The following ABHD6 variants were observed in gnomAD, a reference collection of about 807,000 sequenced individuals.
The protein encoded by ABHD6 is abhydrolase domain containing 6, acylglycerol lipase, also known as monoacylglycerol lipase ABHD6.
In ABHD6, 33 loss-of-function variants were observed where a neutral mutation model predicts 38.8. The observed-to-expected ratio is 0.85, with a 90% CI of 0.64 to 1.14. The LOEUF is 1.14. Among genes scored for constraint, ABHD6 ranks in the 50% most tolerant of loss-of-function variants. The pLI is 0.00. For synonymous variants in ABHD6, 147 were observed against 161.6 expected, an observed-to-expected ratio of 0.91 and a Z score of 0.69; for missense variants, 380 against 422.6, an observed-to-expected ratio of 0.90 and a Z score of 0.88.
At chr3:58,248,077 ACT>A (rs1323707567) in intron 1 of ABHD6, among the ~76,000 whole-genome samples, 1 of 149,520 alleles carries the variant, frequency 6.7e-6, no homozygotes, top group African/African-American at 2.5e-5. Flanking sequence ...TTTCTCTCTC[ACT>A]CTCTGTTTTT....
chr3:58,250,370 T>C (rs1307950949), intron 2 of ABHD6, among the ~76,000 whole-genome samples: 1 of 152,022 alleles, frequency 6.6e-6, no homozygotes, highest in Non-Finnish European at 1.5e-5. Flanking sequence ...AGCTGGTTAT[T>C]TGGAGTGCAG....
chr3:58,285,296 G>A lies in ABHD6; in HGVS notation c.737-57G>A, dbSNP rs531742720. On this transcript the variant is annotated intron_variant, in intron 8 of 9. Coordinates refer to ENST00000478253, the MANE Select transcript of ABHD6 (RefSeq NM_001320126.2). This position sits in a 1 kb window ranked among gnomAD's most constrained non-coding sequence, Gnocchi z 4.9. ...TCTGGTGACTATCCCTTGATTCTGC[G>A]GTGGTGCCACAGGCACAGTCCAGCA... The A allele has an allele frequency of 1.5e-5, 24 of 1,574,310 alleles. No individual in the cohort carries two copies. Among genetic ancestry groups the A allele is most frequent in the East Asian group, 1.3e-4 (6 of 44,642 alleles).
rs2097465428 is a variant in ABHD6 at position 58,293,973 on chromosome 3, A to G, written c.*208A>G. The stretch of plus-strand genomic sequence containing the variant: ...CCAAGATATTTTTCACAAAATAGAA[A>G]CTCATATGGAACAAAATAAGAAACC... On this transcript the variant is annotated 3_prime_UTR_variant, in exon 10 of 10. Transcript: ENST00000478253. The surrounding 1 kb of genome is among the most constrained non-coding windows in gnomAD (Gnocchi z 4.4). The G allele has an allele frequency of 2.1e-6, 1 of 484,520 alleles. No homozygotes were observed. Among genetic ancestry groups the G allele is most frequent in the Non-Finnish European group, 3.6e-6 (1 of 280,204 alleles). 30.0% of individuals were successfully genotyped at this position (484,520 alleles called of 1,614,324 possible).
In ABHD6 at chr3:58,264,498, C is replaced by T. The variant is rs779467437; in HGVS notation, c.120-2691C>T. Among the ~76,000 whole-genome samples, 94 of 150,760 alleles carry T rather than the reference C, an allele frequency of 6.2e-4. 1 individual carries two copies. The highest frequency in any genetic ancestry group is 3.2e-3 in the Middle Eastern group (1 of 316). Reference sequence around the variant, plus strand: ...GGATCACTTGAGTTCGAGACCAGCCCGGGCAATACAGGGAGACCCAGTCTC... The same window carrying T: ...GGATCACTTGAGTTCGAGACCAGCCTGGGCAATACAGGGAGACCCAGTCTC... On this transcript the variant is annotated intron_variant, in intron 3 of 9. Coordinates refer to ENST00000478253, the MANE Select transcript of ABHD6 (RefSeq NM_001320126.2).
intron 1 of ABHD6, among the ~76,000 whole-genome samples, chr3:58,242,085 C>G (rs190412698): frequency 2.0e-5 from 3 of 151,926 alleles, no homozygotes; most frequent in Admixed American, 2.0e-4. Flanking sequence ...GCTCGCCAGG[C>G]GAGAGGGAGA....
intron 1 of ABHD6, among the ~76,000 whole-genome samples, chr3:58,241,330 C>T (rs909275046): frequency 2.8e-4 from 43 of 152,140 alleles, no homozygotes; most frequent in African/African-American, 9.9e-4. Flanking sequence ...TTGACGCTTC[C>T]CAATCCTAGA....
rs1330638074 is a variant in ABHD6 at position 58,287,365 on chromosome 3, T to C, written c.837+1912T>C. On this transcript the variant is annotated intron_variant, in intron 9 of 9. Transcript: ENST00000478253. This position sits in a 1 kb window ranked among gnomAD's most constrained non-coding sequence, Gnocchi z 4.7. ...GCATCAATTTTTAACTGGCAGGAGG[T>C]CACACTGTGGCCACAAAGACCCACA... Among the ~76,000 whole-genome samples the C allele has an allele frequency of 2.6e-5, 4 of 151,864 alleles. No homozygotes were observed. Among genetic ancestry groups the C allele is most frequent in the African/African-American group, 9.7e-5 (4 of 41,356 alleles).
chr3:58,242,303 G>C (rs1185225927), intron 1 of ABHD6, among the ~76,000 whole-genome samples: 1 of 152,208 alleles, frequency 6.6e-6, no homozygotes, highest in Non-Finnish European at 1.5e-5. Flanking sequence ...CCAACCACCA[G>C]TGAATTAGCA....
chr3:58,289,202 G>T (rs1412777466), intron 9 of ABHD6, among the ~76,000 whole-genome samples: 1 of 151,416 alleles, frequency 6.6e-6, no homozygotes, highest in African/African-American at 2.4e-5. Context: ...CTACAGGCAT[G>T]TGCCACCACA....
At position 58,289,375 on chromosome 3, in the gene ABHD6, C is replaced by A. The variant is rs1449801874; in HGVS notation, c.837+3922C>A. Among the ~76,000 whole-genome samples the A allele has an allele frequency of 3.3e-5, 5 of 151,026 alleles. No homozygotes were observed. In the East Asian group the frequency reaches 7.8e-4, roughly 23 times the overall value. ...TCTCTGGTTTTCCTAGGCAGAGGAC[C>A]CTGAGGCCTTCCGCAGTGTTTGTGT... On this transcript the variant is annotated intron_variant, in intron 9 of 9. Transcript: ENST00000478253.
At chr3:58,277,122 TTAAAG>T (rs879878158) in intron 7 of ABHD6, among the ~76,000 whole-genome samples, 1 of 152,206 alleles carries the variant, frequency 6.6e-6, no homozygotes, top group African/African-American at 2.4e-5. Flanking sequence ...CATATGAACT[TTAAAG>T]TAGTTTTTTT....
chr3:58,294,005 A>G lies in ABHD6; in HGVS notation c.*240A>G, dbSNP rs990933621. On this transcript the variant is annotated 3_prime_UTR_variant, in exon 10 of 10. Transcript: ENST00000478253. ...TGGAACAAAATAAGAAACCCCAGCC[A>G]TGAAATCTACCATGAAGTCTTCAAG... 2 of 404,264 alleles carry G rather than the reference A, an allele frequency of 4.9e-6. No homozygotes were observed. Among genetic ancestry groups the G allele is most frequent in the Non-Finnish European group, 4.4e-6 (1 of 228,320 alleles). The allele number at this position is 404,264 out of a possible 1,614,324, so 25.0% of individuals were successfully genotyped here. A position where few individuals can be genotyped will look rare whatever the true frequency, so the allele number is the denominator to read the frequency against.
chr3:58,289,868 A>AC (rs569585525), intron 9 of ABHD6, among the ~76,000 whole-genome samples: 13,938 of 105,846 alleles, frequency 0.13, 1,254 homozygotes, highest in African/African-American at 0.3. Flanking sequence ...TAGGGGGCTG[A>AC]CCCCCCCACC....
Position 58,263,956 on chromosome 3 carries a change from A to G in ABHD6, c.120-3233A>G, listed in dbSNP as rs1445749559. 6.6e-6 allele frequency among the ~76,000 whole-genome samples: 1 copy of G among 151,838 alleles called. No individual in the cohort carries two copies. Among genetic ancestry groups the G allele is most frequent in the African/African-American group, 2.4e-5 (1 of 41,224 alleles). On this transcript the variant is annotated intron_variant, in intron 3 of 9. Coordinates refer to ENST00000478253, the MANE Select transcript of ABHD6 (RefSeq NM_001320126.2). The surrounding 1 kb of genome is among the most constrained non-coding windows in gnomAD (Gnocchi z 4.9). ...TCCCACCTCTCTCCCCCACCACTTC[A>G]TCTGTGTATACTTAACAGTTTTTTT...
At chr3:58,244,516 C>A (rs977160308) in intron 1 of ABHD6, among the ~76,000 whole-genome samples, 3 of 152,144 alleles carry the variant, frequency 2.0e-5, no homozygotes, top group Non-Finnish European at 2.9e-5. Context: ...TGCCTGCCCA[C>A]CACTTTGGGA....
rs1270908000 is a variant in ABHD6 at position 58,259,019 on chromosome 3, TG to T, written c.119+2315del. Among the ~76,000 whole-genome samples, 1 of 152,182 alleles carries T rather than the reference TG, an allele frequency of 6.6e-6. No homozygotes were observed. Among genetic ancestry groups the T allele is most frequent in the Non-Finnish European group, 1.5e-5 (1 of 68,044 alleles). Reference sequence around the variant, plus strand: ...ACCCCTGACATGGAGAAGGCAGAGTTGCGTGCCCCTTCTCATGGCCTCGTCA... The same window carrying T: ...ACCCCTGACATGGAGAAGGCAGAGTTCGTGCCCCTTCTCATGGCCTCGTCA... On this transcript the variant is annotated intron_variant, in intron 3 of 9. Coordinates refer to ENST00000478253, the MANE Select transcript of ABHD6 (RefSeq NM_001320126.2). The surrounding 1 kb of genome is among the most constrained non-coding windows in gnomAD (Gnocchi z 4.7).
At chr3:58,254,347 AAC>A (rs1243179467) in intron 2 of ABHD6, among the ~76,000 whole-genome samples, 1 of 152,314 alleles carries the variant, frequency 6.6e-6, no homozygotes, top group East Asian at 1.9e-4. Flanking sequence ...GTTTTATTGG[AAC>A]ACAGTCATAC....
At chr3:58,244,833 AATAG>A (rs1242286625) in intron 1 of ABHD6, among the ~76,000 whole-genome samples, 1 of 152,232 alleles carries the variant, frequency 6.6e-6, no homozygotes, top group African/African-American at 2.4e-5. Flanking sequence ...TTGCTTTTAA[AATAG>A]ATAGATTCGA....
chr3:58,248,742 T>C (rs1030811029), intron 1 of ABHD6, among the ~76,000 whole-genome samples: 7 of 152,216 alleles, frequency 4.6e-5, no homozygotes, highest in Non-Finnish European at 1.0e-4. Context: ...CAAGGATATG[T>C]GCATTTTACG....
Sources: gnomAD v4.1 joint callset for allele counts (sites outside exome capture counted in the v4.1 genomes callset) on GRCh38, gnomAD v4.1.1 for gene constraint, Gnocchi (gnomAD v3.1) non-coding constraint, MANE v1.5 for transcripts, NCBI Gene and HGNC (gene_info 2026-07-23, HGNC 2026-07-21) for gene names.